Variants in LRP2 observed in about 807,000 individuals in gnomAD.
LRP2 encodes LDL receptor related protein 2, also known as low-density lipoprotein receptor-related protein 2.
Under a neutral mutation model 531.0 loss-of-function variants are expected in LRP2, and 172 were observed. The ratio of observed to expected loss-of-function variants is 0.32; its 90% CI spans 0.29 to 0.37. The LOEUF (loss-of-function observed/expected upper bound fraction) is 0.37, where lower values mean the gene tolerates loss of function less well. Among genes scored for constraint, LRP2 ranks in the 10% least tolerant of loss-of-function variants. The probability of loss-of-function intolerance (pLI) is 1.00; values close to 1 mark genes in which losing one functional copy is unlikely to be tolerated. For synonymous variants in LRP2, 1,992 were observed against 2,027.6 expected (o/e 0.98, Z 0.47); for missense variants, 5,167 against 5,868.3 (o/e 0.88, Z 3.90).
chr2:169,130,288 CTTT>C (rs796975261), intron 77 of LRP2, among the ~76,000 whole-genome samples: 5 of 138,886 alleles, frequency 3.6e-5, no homozygotes, highest in Non-Finnish European at 1.6e-5. Context: ...AGAACTGAAT[CTTT>C]TTTTTTTTTT....
chr2:169,307,596 C>G (rs1405099101), intron 3 of LRP2, among the ~76,000 whole-genome samples, 199 bp from the exon 4 acceptor site: 1 of 152,108 alleles, frequency 6.6e-6, no homozygotes, highest in Non-Finnish European at 1.5e-5. Context: ...TGTCCACACT[C>G]AAGCATGCTA....
At chr2:169,276,281 T>C (rs540447223) in intron 13 of LRP2, among the ~76,000 whole-genome samples, 1 of 152,202 alleles carries the variant, frequency 6.6e-6, no homozygotes, top group Non-Finnish European at 1.5e-5. Context: ...AATGACTTTA[T>C]GATTTCAGCT....
At position 169,271,025 on chromosome 2, in the gene LRP2, C is replaced by T; in HGVS notation, c.2199G>A (p.Met733Ile). Reference sequence around the variant, plus strand: ...AAGAAGGATTCCCCGAAACTGGAACCATGACATCTTCCTGGGTAGACAAGG... The same window carrying T: ...AAGAAGGATTCCCCGAAACTGGAACTATGACATCTTCCTGGGTAGACAAGG... ...PFTLSTQEDVMVPVSGNPSFF... is the reference protein window; with the variant it reads ...PFTLSTQEDVIVPVSGNPSFF... The change falls in exon 16 of 79, where the codon ATG becomes ATA. Residue 733 changes from methionine to isoleucine, a missense_variant. Met to Ile is a conservative substitution (Grantham distance 10). Around this residue, in one of 6 missense-constraint regions of LRP2, gnomAD observed 2,811 missense variants for 3,058.0 expected, o/e 0.92. Transcript: ENST00000649046. 6.2e-7 allele frequency: 1 copy of T among 1,613,192 alleles called. No homozygotes were observed. The highest frequency in any genetic ancestry group is 8.5e-7 in the Non-Finnish European group (1 of 1,179,502).
chr2:169,142,112 G>A (rs1186486990), intron 71 of LRP2, among the ~76,000 whole-genome samples: 1 of 152,124 alleles, frequency 6.6e-6, no homozygotes, highest in Non-Finnish European at 1.5e-5. Context: ...AGGGACACTA[G>A]TTATTCGCCC....
Position 169,202,965 on chromosome 2 carries a change from G to A in LRP2, c.8006-6C>T. The A allele has an allele frequency of 1.2e-6, 2 of 1,613,546 alleles. No individual in the cohort carries two copies. The highest frequency in any genetic ancestry group is 8.5e-7 in the Non-Finnish European group (1 of 1,179,572). ...GCACTCGGCACCATTTGGACCTGAA[G>A]AAAGATAATCCCAGAAGAAGTAAAA... On this transcript the variant is annotated splice_polypyrimidine_tract_variant and splice_region_variant and intron_variant, in intron 42 of 78. Transcript: ENST00000649046.
chr2:169,272,013 C>T (rs1309978674), intron 15 of LRP2, among the ~76,000 whole-genome samples: 1 of 152,056 alleles, frequency 6.6e-6, no homozygotes, highest in Admixed American at 6.6e-5. Flanking sequence ...AGACAACGCA[C>T]TATTGATATA....
intron 74 of LRP2, among the ~76,000 whole-genome samples, chr2:169,138,921 T>A (rs1404259741): frequency 6.6e-6 from 1 of 152,076 alleles, no homozygotes; most frequent in East Asian, 1.9e-4. Flanking sequence ...AACCATGAGA[T>A]CTAAAAGAAA....
At chr2:169,296,949 A>G (rs1315405683) in intron 4 of LRP2, among the ~76,000 whole-genome samples, 5 of 152,272 alleles carry the variant, frequency 3.3e-5, no homozygotes, top group Non-Finnish European at 2.9e-5. Context: ...GTCTCCATCC[A>G]CACTGATAAA....
chr2:169,306,494 A>G (rs530740162), intron 4 of LRP2, among the ~76,000 whole-genome samples: 2 of 152,202 alleles, frequency 1.3e-5, no homozygotes, highest in Non-Finnish European at 2.9e-5. Flanking sequence ...AGAGCATGCC[A>G]TCACACTCAG....
At chr2:169,210,352 A>G (rs1311271140) in intron 37 of LRP2, among the ~76,000 whole-genome samples, 2 of 152,218 alleles carry the variant, frequency 1.3e-5, no homozygotes, top group African/African-American at 2.4e-5. Flanking sequence ...AGCAGTGACC[A>G]CCTTAACCAA....
Position 169,200,123 on chromosome 2 carries a change from T to C in LRP2, c.8453-1212A>G, listed in dbSNP as rs558169302. Among the ~76,000 whole-genome samples, 64 of 152,046 alleles carry C rather than the reference T, an allele frequency of 4.2e-4. 1 individual carries two copies. The highest frequency in any genetic ancestry group is 5.9e-4 in the Non-Finnish European group (40 of 67,972). On this transcript the variant is annotated intron_variant, in intron 44 of 78. Transcript: ENST00000649046. ...AAAATTAGCCAGGCATGGTGGCGGG[T>C]GCCTGTAGTCCCAGCTACCCGGGAG... is the stretch of plus-strand genomic sequence containing the variant.
chr2:169,219,394 A>T (rs1688907938), intron 34 of LRP2, among the ~76,000 whole-genome samples: 1 of 152,194 alleles, frequency 6.6e-6, no homozygotes, highest in Admixed American at 6.5e-5. Flanking sequence ...CTGGTTTATA[A>T]TATGGTATAG....
intron 1 of LRP2, among the ~76,000 whole-genome samples, chr2:169,361,475 T>G (rs1421721648): frequency 6.6e-6 from 1 of 151,462 alleles, no homozygotes; most frequent in Non-Finnish European, 1.5e-5. Flanking sequence ...TTATTCCTAT[T>G]TGCTTCTCTT....
chr2:169,350,191 G>A (rs1685809661), intron 1 of LRP2, among the ~76,000 whole-genome samples: 1 of 152,202 alleles, frequency 6.6e-6, no homozygotes, highest in East Asian at 1.9e-4. Flanking sequence ...GCTTGAGCAA[G>A]GATGAGGAAG....
chr2:169,190,568 ACT>A (rs1466352298), intron 48 of LRP2, among the ~76,000 whole-genome samples: 1 of 151,900 alleles, frequency 6.6e-6, no homozygotes, highest in African/African-American at 2.4e-5. Context: ...GGCCCCTGTG[ACT>A]CTGCTTCTCT....
intron 62 of LRP2, among the ~76,000 whole-genome samples, chr2:169,163,696 C>T (rs1189155565): frequency 3.9e-5 from 6 of 152,044 alleles, no homozygotes; most frequent in African/African-American, 1.4e-4. Context: ...AACCAAAATA[C>T]TATGACTGTT....
At chr2:169,199,984 C>T (rs1293221350) in intron 44 of LRP2, among the ~76,000 whole-genome samples, 3 of 152,174 alleles carry the variant, frequency 2.0e-5, no homozygotes, top group Admixed American at 6.5e-5. Flanking sequence ...GGTGCAGTGG[C>T]TCACGCCTGT....
At chr2:169,322,057 A>G (rs1391538323) in intron 1 of LRP2, among the ~76,000 whole-genome samples, 1 of 152,226 alleles carries the variant, frequency 6.6e-6, no homozygotes, top group Non-Finnish European at 1.5e-5. Flanking sequence ...CCCAAGGGAT[A>G]AAGGAGAAAT....
intron 72 of LRP2, 44 bp from the exon 73 acceptor site, chr2:169,139,654 G>A: frequency 6.5e-7 from 1 of 1,546,052 alleles, no homozygotes; most frequent in Non-Finnish European, 8.9e-7. Context: ...TATGTTCTTA[G>A]GCTTCTACTG....
Sources: allele counts gnomAD v4.1 joint callset (sites outside exome capture counted in the v4.1 genomes callset), GRCh38; gene constraint gnomAD v4.1.1; regional missense constraint gnomAD v4.1.1; transcripts MANE v1.5; gene names NCBI Gene and HGNC (gene_info 2026-07-23, HGNC 2026-07-21).